MINDY1: variants seen among roughly 807,000 people sequenced by gnomAD.
MINDY1 encodes ubiquitin carboxyl-terminal hydrolase MINDY-1.
In MINDY1, 50 loss-of-function variants were observed where a neutral mutation model predicts 53.6. The observed-to-expected ratio is 0.93, with a 90% confidence interval of 0.74 to 1.18. The LOEUF is 1.18. Ranked by LOEUF, MINDY1 falls within the 50% of genes most tolerant of loss-of-function variation. The pLI is 0.00. For synonymous variants in MINDY1, 231 were observed against 234.7 expected (o/e 0.98, Z 0.14); for missense variants, 484 against 578.6 (o/e 0.84, Z 1.68).
intron 1 of MINDY1, 81 bp downstream of exon 1, chr1:151,006,231 G>A: frequency 6.5e-7 from 1 of 1,531,324 alleles, no homozygotes; most frequent in African/African-American, 1.4e-5. Context: ...AGGACAGCAG[G>A]TGTCAGCTCC....
At chr1:151,007,607 T>C (rs587774507), upstream of MINDY1, among the ~76,000 whole-genome samples, 2 of 152,242 alleles carry the variant, frequency 1.3e-5, no homozygotes, top group African/African-American at 4.8e-5. Flanking sequence ...AGTCACCTCC[T>C]CTCGATTTAC....
intron 4 of MINDY1, among the ~76,000 whole-genome samples, chr1:151,000,843 A>T (rs1228319615): frequency 6.6e-6 from 1 of 151,986 alleles, no homozygotes; most frequent in East Asian, 1.9e-4. Context: ...CAGTGGTGTG[A>T]TCCTAGCTCA....
At position 151,002,757 on chromosome 1, in the gene MINDY1, A is replaced by G; in HGVS notation, c.-89-51T>C. 1 of 1,502,348 alleles carries G rather than the reference A, an allele frequency of 6.7e-7. No individual in the cohort carries two copies. 93.1% of individuals were successfully genotyped at this position (1,502,348 alleles called of 1,614,324 possible). A position where few individuals can be genotyped will look rare whatever the true frequency, so the allele number is the denominator to read the frequency against. ...GGCTGGAAAGCAAACTAACCCAGAA[A>G]AGTCTTGGAAAAGGAATGTAGTGTA... On this transcript the variant is annotated intron_variant, in intron 1 of 9. Coordinates refer to ENST00000683666, the MANE Select transcript of MINDY1 (RefSeq NM_001376665.1). The surrounding 1 kb of genome is among the most constrained non-coding windows in gnomAD (Gnocchi z 4.1).
rs587726958 is a variant in MINDY1, at chr1:150,999,948, C to T, written c.752G>A (p.Arg251His). Residue 251 changes from arginine to histidine, a missense_variant, in exon 6 of 10, where the codon CGT becomes CAT. Transcript: ENST00000683666. This position sits in a 1 kb window ranked among gnomAD's most constrained non-coding sequence, Gnocchi z 4.4. ...GTTGTAACTCAGTTTCCCAACTGCA[C>T]GCACAGCCTCAGGACTCTGCTTGGG... ...LVDPQSPEAV[R>H]AVGKLSYNQL... 3.0e-5 allele frequency: 48 copies of T among 1,613,848 alleles called. No homozygotes were observed. The highest frequency in any genetic ancestry group is 8.3e-5 in the Admixed American group (5 of 60,012).
In MINDY1 at chr1:150,996,890, A is replaced by G. The variant is rs1671888955; in HGVS notation, c.*397T>C. 5.2e-6 allele frequency: 1 copy of G among 192,576 alleles called. No homozygotes were observed. Among genetic ancestry groups the G allele is most frequent in the Non-Finnish European group, 1.1e-5 (1 of 92,630 alleles). 11.9% of individuals were successfully genotyped at this position (192,576 alleles called of 1,614,324 possible). A position where few individuals can be genotyped will look rare whatever the true frequency, so the allele number is the denominator to read the frequency against. On this transcript the variant is annotated 3_prime_UTR_variant, in exon 10 of 10. Transcript: ENST00000683666. ...CAGGAAGGCATTACAAATAAGAGATAGAAACCCAAATTAAGCTCTGAAACA... is the reference window on the plus strand; with the variant it reads ...CAGGAAGGCATTACAAATAAGAGATGGAAACCCAAATTAAGCTCTGAAACA...
rs138121177 is a variant in MINDY1 at position 150,997,633 on chromosome 1, C to T, written c.1320G>A (p.Leu440=). 1.9e-6 allele frequency: 3 copies of T among 1,608,438 alleles called. No homozygotes were observed. The African/African-American group carries it at 4.0e-5, about 21-fold the overall frequency. The change falls in exon 9 of 10, where the codon CTG becomes CTA. Residue 440 remains leucine (L), a synonymous_variant. Transcript: ENST00000683666. ...AQPVRMRTRV[L]SLQGRGATSG... is the part of the protein sequence containing the mutation. ...CCAGGCAGCAGCCCACCTGCAGTGA[C>T]AGGACCCGCGTCCGCATCCGCACTG...
chr1:151,001,245 C>T lies in MINDY1; in HGVS notation c.576+5G>A. The T allele has an allele frequency of 6.2e-7, 1 of 1,614,176 alleles. No homozygotes were observed. The highest frequency in any genetic ancestry group is 2.2e-5 in the East Asian group (1 of 44,888). On this transcript the variant is annotated splice_donor_5th_base_variant and intron_variant, in intron 4 of 9. Transcript: ENST00000683666. ...ACCCCTATGCCTGCAGACCTTTTGCCTCACCTGCTGAAAATTAAGCTGAAG... is the reference window on the plus strand; with the variant it reads ...ACCCCTATGCCTGCAGACCTTTTGCTTCACCTGCTGAAAATTAAGCTGAAG...
rs747676685 is a variant in MINDY1 at position 150,997,790 on chromosome 1, C to T, written c.1174-11G>A. The T allele has an allele frequency of 3.7e-6, 6 of 1,607,488 alleles. No homozygotes were observed. Among genetic ancestry groups the T allele is most frequent in the Non-Finnish European group, 5.1e-6 (6 of 1,175,524 alleles). ...AGCAATCAGGTAGTCCTGGGGAGAA[C>T]AAGAGTTGTGCAGTGGGCTGAGGCC... is the stretch of plus-strand genomic sequence containing the variant. On this transcript the variant is annotated splice_polypyrimidine_tract_variant and intron_variant, in intron 8 of 9. Coordinates refer to ENST00000683666, the MANE Select transcript of MINDY1 (RefSeq NM_001376665.1).
chr1:150,997,071 C>T lies in MINDY1; in HGVS notation c.*216G>A. On this transcript the variant is annotated 3_prime_UTR_variant, in exon 10 of 10. Coordinates refer to ENST00000683666, the MANE Select transcript of MINDY1 (RefSeq NM_001376665.1). ...CGGGAGTTGAGAACCAGAAACCCAC[C>T]AATCCTAGTGTTGCCCTGGATGGGA... 1.7e-6 allele frequency: 1 copy of T among 597,074 alleles called. No individual in the cohort carries two copies. The highest frequency in any genetic ancestry group is 2.8e-5 in the East Asian group (1 of 35,606). The allele number at this position is 597,074 out of a possible 1,614,324, so 37.0% of individuals were successfully genotyped here.
In MINDY1 at chr1:150,997,093, G is replaced by A. The variant is rs1445110130; in HGVS notation, c.*194C>T. Reference sequence around the variant, plus strand: ...CACCAATCCTAGTGTTGCCCTGGATGGGAGGCAGAGAAGGCAGCAGCACGT... The same window carrying A: ...CACCAATCCTAGTGTTGCCCTGGATAGGAGGCAGAGAAGGCAGCAGCACGT... On this transcript the variant is annotated 3_prime_UTR_variant, in exon 10 of 10. Coordinates refer to ENST00000683666, the MANE Select transcript of MINDY1 (RefSeq NM_001376665.1). The A allele has an allele frequency of 1.6e-6, 1 of 623,142 alleles. No homozygotes were observed. The highest frequency in any genetic ancestry group is 1.8e-5 in the African/African-American group (1 of 54,156). 38.6% of individuals were successfully genotyped at this position (623,142 alleles called of 1,614,324 possible). A position where few individuals can be genotyped will look rare whatever the true frequency, so the allele number is the denominator to read the frequency against.
chr1:150,997,843 TC>T, intron 8 of MINDY1, 64 bp from the exon 9 acceptor site: 1 of 1,519,684 alleles, frequency 6.6e-7, no homozygotes, highest in South Asian at 1.3e-5. Flanking sequence ...AGGCAAGGTT[TC>T]CAAATCAGTT....
intron 1 of MINDY1, among the ~76,000 whole-genome samples, chr1:151,005,869 A>C (rs1673137876): frequency 6.6e-6 from 1 of 152,226 alleles, no homozygotes; most frequent in Non-Finnish European, 1.5e-5. Flanking sequence ...AGGGAGTTAA[A>C]ATAATCCTGG....
At position 151,006,420 on chromosome 1, in the gene MINDY1, A is replaced by G. The variant is rs1673211040; in HGVS notation, c.-198T>C. 18 of 1,318,930 alleles carry G rather than the reference A, an allele frequency of 1.4e-5. No homozygotes were observed. Among genetic ancestry groups the G allele is most frequent in the South Asian group, 3.4e-5 (2 of 59,468 alleles). 81.7% of individuals were successfully genotyped at this position (1,318,930 alleles called of 1,614,324 possible). A position where few individuals can be genotyped will look rare whatever the true frequency, so the allele number is the denominator to read the frequency against. On this transcript the variant is annotated 5_prime_UTR_variant, in exon 1 of 10. Transcript: ENST00000683666. The stretch of plus-strand genomic sequence containing the variant: ...GGGCTGCCAGTGCCAGCTGCCTTCC[A>G]GCTGTCAACGCCTGAGCTTATACAG...
At chr1:151,004,546 A>G (rs2102863369) in intron 1 of MINDY1, among the ~76,000 whole-genome samples, 1 of 152,054 alleles carries the variant, frequency 6.6e-6, no homozygotes, top group East Asian at 1.9e-4. Context: ...CCTGGCTAAC[A>G]TGGCAAAACG....
At chr1:151,008,259 C>T (rs2102883182), upstream of MINDY1, 1 of 1,195,780 alleles carries the variant, frequency 8.4e-7, no homozygotes, top group Non-Finnish European at 1.0e-6. Flanking sequence ...CATTTGTTTA[C>T]CGAACGACTG....
chr1:151,006,818 G>C lies in MINDY1; in HGVS notation c.-596C>G. The C allele has an allele frequency of 1.0e-6, 1 of 985,566 alleles. No homozygotes were observed. The highest frequency in any genetic ancestry group is 1.2e-6 in the Non-Finnish European group (1 of 830,020). The allele number at this position is 985,566 out of a possible 1,614,324, so 61.1% of individuals were successfully genotyped here. A position where few individuals can be genotyped will look rare whatever the true frequency, so the allele number is the denominator to read the frequency against. ...AGCAGCTTTGTGATCAGCAGAGAGG[G>C]AGCGAGAAACAGGAGAGAAAAACAA... On this transcript the variant is annotated 5_prime_UTR_variant, in exon 1 of 10. Coordinates refer to ENST00000683666, the MANE Select transcript of MINDY1 (RefSeq NM_001376665.1).
At chr1:151,006,041 T>C in intron 1 of MINDY1, 1 of 1,544,914 alleles carries the variant, frequency 6.5e-7, no homozygotes, top group Non-Finnish European at 8.8e-7. Flanking sequence ...CAATCAATAG[T>C]TTAGATTTTC....
At chr1:151,005,859 A>T (rs2102871238) in intron 1 of MINDY1, among the ~76,000 whole-genome samples, 1 of 152,326 alleles carries the variant, frequency 6.6e-6, no homozygotes, top group East Asian at 1.9e-4. Context: ...GTGGTGAGTG[A>T]GGGAGTTAAA....
At chr1:151,008,199 T>C (rs1571753434), upstream of MINDY1, 2 of 1,087,226 alleles carry the variant, frequency 1.8e-6, no homozygotes, top group East Asian at 1.5e-4. Flanking sequence ...TGGCCTGATC[T>C]GAGAGGGAAA....
Sources: allele counts gnomAD v4.1 joint callset (sites outside exome capture counted in the v4.1 genomes callset), GRCh38; gene constraint gnomAD v4.1.1; non-coding constraint Gnocchi (gnomAD v3.1); transcripts MANE v1.5; gene names NCBI Gene and HGNC (gene_info 2026-07-23, HGNC 2026-07-21).